The following EPB41L4B variants were observed in gnomAD, a reference collection of about 807,000 sequenced individuals.
EPB41L4B encodes the protein band 4.1-like protein 4B.
EPB41L4B carries 30 observed loss-of-function variants against 112.5 expected under a neutral mutation model. The ratio of observed to expected loss-of-function variants is 0.27; its 90% CI spans 0.20 to 0.36. EPB41L4B has a LOEUF of 0.36. Ranked by LOEUF, EPB41L4B falls within the 10% of genes least tolerant of loss-of-function variation. EPB41L4B has a pLI of 1.00. For missense variants in EPB41L4B, 1,024 were observed against 1,133.3 expected (o/e 0.90, Z 1.38); for synonymous variants, 408 against 439.7 (o/e 0.93, Z 0.90).
chr9:109,194,456 G>T, intron 20 of EPB41L4B, 59 bp from the exon 21 acceptor site: 1 of 1,558,514 alleles, frequency 6.4e-7, no homozygotes, highest in South Asian at 1.2e-5. Flanking sequence ...AGGCTGTGAG[G>T]AGTGGACGGA....
At chr9:109,296,703 C>G (rs1009387546) in intron 1 of EPB41L4B, among the ~76,000 whole-genome samples, 1 of 151,564 alleles carries the variant, frequency 6.6e-6, no homozygotes, top group Non-Finnish European at 1.5e-5. Context: ...ATGGGCAACA[C>G]AGCCAGACCT....
At chr9:109,289,089 AG>A (rs1426661077) in intron 1 of EPB41L4B, among the ~76,000 whole-genome samples, 4 of 152,068 alleles carry the variant, frequency 2.6e-5, no homozygotes, top group African/African-American at 9.7e-5. Flanking sequence ...CCCTTGTCTT[AG>A]TCACTTCTCT....
chr9:109,270,043 A>G (rs1835554970), intron 2 of EPB41L4B, among the ~76,000 whole-genome samples: 1 of 152,186 alleles, frequency 6.6e-6, no homozygotes, highest in Non-Finnish European at 1.5e-5. Flanking sequence ...TCACCGCAGC[A>G]GGATGTGTAT....
At chr9:109,212,116 G>T in intron 17 of EPB41L4B, among the ~76,000 whole-genome samples, 1 of 152,136 alleles carries the variant, frequency 6.6e-6, no homozygotes, top group East Asian at 1.9e-4. Context: ...CCTTCACCCA[G>T]AGCAAACTGC....
intron 1 of EPB41L4B, among the ~76,000 whole-genome samples, chr9:109,305,130 A>G (rs1837129427): frequency 6.6e-6 from 1 of 151,876 alleles, no homozygotes. Flanking sequence ...GGTCCCACCC[A>G]AGGCAAAAAA....
At chr9:109,219,541 T>TA (rs1156765984) in intron 15 of EPB41L4B, among the ~76,000 whole-genome samples, 1 of 152,170 alleles carries the variant, frequency 6.6e-6, no homozygotes, top group Admixed American at 6.5e-5. Flanking sequence ...TTTGTATTTT[T>TA]AATAGAGATG....
At chr9:109,183,392 C>A (rs144567126) in intron 23 of EPB41L4B, among the ~76,000 whole-genome samples, 27 of 152,314 alleles carry the variant, frequency 1.8e-4, no homozygotes, top group Non-Finnish European at 3.5e-4. Context: ...ATCCTGCCCC[C>A]ACGGCCTTTG....
At chr9:109,213,679 C>T (rs754448622) in intron 17 of EPB41L4B, 21 bp downstream of exon 17, 2 of 1,601,792 alleles carry the variant, frequency 1.2e-6, no homozygotes, top group Admixed American at 1.7e-5. Context: ...ATGGTCATGG[C>T]AGAGCCCCGG....
At chr9:109,271,432 A>G (rs529026807) in intron 2 of EPB41L4B, among the ~76,000 whole-genome samples, 1 of 152,374 alleles carries the variant, frequency 6.6e-6, no homozygotes, top group African/African-American at 2.4e-5. Flanking sequence ...AAACCCAGTC[A>G]CAATCCTAAA....
chr9:109,231,618 C>T (rs1220547736), intron 15 of EPB41L4B, among the ~76,000 whole-genome samples: 2 of 152,198 alleles, frequency 1.3e-5, no homozygotes, highest in Non-Finnish European at 2.9e-5. Flanking sequence ...TTCAGTAGTT[C>T]CTGGGTCTGA....
rs759932317 is a variant in EPB41L4B, at chr9:109,276,555, C to T, written c.411+3262G>A. Among the ~76,000 whole-genome samples the T allele has an allele frequency of 1.3e-5, 2 of 152,338 alleles. 1 individual carries two copies. The highest frequency in any genetic ancestry group is 4.1e-4 in the South Asian group (2 of 4,832). ...CAGATGAGGACCCTCGCCCTCCCAC[C>T]TGTTTTTGCCTCAAATTTGTAGAGT... On this transcript the variant is annotated intron_variant, in intron 2 of 25. Coordinates refer to ENST00000374566, the MANE Select transcript of EPB41L4B (RefSeq NM_019114.5).
At chr9:109,239,294 A>G (rs1039512644) in intron 15 of EPB41L4B, among the ~76,000 whole-genome samples, 1 of 152,184 alleles carries the variant, frequency 6.6e-6, no homozygotes, top group African/African-American at 2.4e-5. Context: ...TACTGTGGGT[A>G]AAAAAGGGAA....
chr9:109,249,186 G>C (rs1834686709), intron 13 of EPB41L4B, among the ~76,000 whole-genome samples: 2 of 151,966 alleles, frequency 1.3e-5, no homozygotes, highest in African/African-American at 4.8e-5. Context: ...GAGGCAAACA[G>C]ATCATTGTTA....
In EPB41L4B at chr9:109,320,285, G is replaced by C; in HGVS notation, c.162C>G (p.Pro54=). Residue 54 remains proline, a synonymous_variant, in exon 1 of 26, where the codon CCC becomes CCG. Coordinates refer to ENST00000374566, the MANE Select transcript of EPB41L4B (RefSeq NM_019114.5). The stretch of plus-strand genomic sequence containing the variant: ...CGCCCGCCGGGAACACGCTGCCCCC[G>C]GGCGCGGCGGGCAGCGCCGAGGAGG... ...AASSSALPAA[P]GGSVFPAGGG... 1.8e-6 allele frequency: 2 copies of C among 1,117,658 alleles called. No homozygotes were observed. The highest frequency in any genetic ancestry group is 2.2e-6 in the Non-Finnish European group (2 of 913,276). 69.2% of individuals were successfully genotyped at this position (1,117,658 alleles called of 1,614,324 possible). A position where few individuals can be genotyped will look rare whatever the true frequency, so the allele number is the denominator to read the frequency against.
chr9:109,206,309 G>T (rs890022131), intron 18 of EPB41L4B, among the ~76,000 whole-genome samples: 1 of 151,992 alleles, frequency 6.6e-6, no homozygotes, highest in Non-Finnish European at 1.5e-5. Context: ...TCAGCCTCCC[G>T]AGTAGTAGGA....
At chr9:109,182,635 A>T (rs1426876175) in intron 24 of EPB41L4B, 94 bp downstream of exon 24, 2 of 876,758 alleles carry the variant, frequency 2.3e-6, no homozygotes, top group Non-Finnish European at 3.8e-6. Context: ...TGATCAAAAG[A>T]AGCGGTTGAC....
chr9:109,231,312 T>TATGA (rs1412188055), intron 15 of EPB41L4B, among the ~76,000 whole-genome samples: 1 of 152,216 alleles, frequency 6.6e-6, no homozygotes, highest in African/African-American at 2.4e-5. Flanking sequence ...ACAGTTGATG[T>TATGA]ATGAATCCAT....
intron 1 of EPB41L4B, among the ~76,000 whole-genome samples, chr9:109,315,671 A>G (rs960048489): frequency 8.5e-5 from 13 of 152,098 alleles, no homozygotes; most frequent in Non-Finnish European, 1.6e-4. Context: ...AGTTTCTCCA[A>G]TGGGCCGGGG....
At chr9:109,230,958 C>CCT (rs1833932996) in intron 15 of EPB41L4B, among the ~76,000 whole-genome samples, 1 of 152,034 alleles carries the variant, frequency 6.6e-6, no homozygotes, top group Non-Finnish European at 1.5e-5. Flanking sequence ...GAGTTCGAGA[C>CCT]CAGCCTGGCC....
Sources: allele counts gnomAD v4.1 joint callset (sites outside exome capture counted in the v4.1 genomes callset), GRCh38; gene constraint gnomAD v4.1.1; transcripts MANE v1.5; gene names NCBI Gene and HGNC (gene_info 2026-07-23, HGNC 2026-07-21).